CDH18: variants seen among roughly 807,000 people sequenced by gnomAD.
CDH18 encodes the protein cadherin 18.
A neutral mutation model predicts 67.9 loss-of-function variants in CDH18; 31 were observed. The observed-to-expected ratio is 0.46, with a 90% confidence interval of 0.34 to 0.62. The LOEUF is 0.62. Ranked by LOEUF, CDH18 falls within the 20% of genes least tolerant of loss-of-function variation. The probability of loss-of-function intolerance (pLI) is 0.01; values close to 1 mark genes in which losing one functional copy is unlikely to be tolerated. For missense variants in CDH18, 890 were observed against 975.5 expected (o/e 0.91, Z 1.17); for synonymous variants, 362 against 347.2 (o/e 1.04, Z -0.48).
In CDH18 at chr5:19,848,958, C is replaced by CAT. The variant is rs528140001; in HGVS notation, c.-256-9718_-256-9717dup. On this transcript the variant is annotated intron_variant, in intron 2 of 12. Coordinates refer to ENST00000382275, the MANE Select transcript of CDH18 (RefSeq NM_004934.5). The stretch of plus-strand genomic sequence containing the variant: ...ATATGTGTATATATACACACACACA[C>CAT]ATATATATGTATATAATATAGCCTA... Among the ~76,000 whole-genome samples, 322 of 150,174 alleles carry CAT rather than the reference C, an allele frequency of 2.1e-3. 1 individual carries two copies. Among genetic ancestry groups the CAT allele is most frequent in the African/African-American group, 7.4e-3 (303 of 40,980 alleles).
intron 2 of CDH18, among the ~76,000 whole-genome samples, chr5:20,140,598 A>G (rs1435282464): frequency 6.6e-6 from 1 of 152,108 alleles, no homozygotes; most frequent in Non-Finnish European, 1.5e-5. Context: ...CAACAATTCA[A>G]AATGTTACTT....
chr5:19,588,229 C>T (rs1035875566), intron 7 of CDH18, among the ~76,000 whole-genome samples: 5 of 152,010 alleles, frequency 3.3e-5, no homozygotes, highest in African/African-American at 1.2e-4. Context: ...ATGTCATCTG[C>T]AAAGAAAATT....
chr5:19,911,761 G>A (rs559156296), intron 2 of CDH18, among the ~76,000 whole-genome samples: 9 of 152,238 alleles, frequency 5.9e-5, no homozygotes, highest in Non-Finnish European at 1.2e-4. Flanking sequence ...CACCTACTCT[G>A]AGGTATTTTG....
intron 11 of CDH18, among the ~76,000 whole-genome samples, chr5:19,488,093 A>AT (rs1416466788): frequency 6.6e-6 from 1 of 152,080 alleles, no homozygotes; most frequent in Non-Finnish European, 1.5e-5. Context: ...TATATGTCTC[A>AT]TTTTTTTGTT....
At chr5:20,561,830 G>T in intron 1 of CDH18, among the ~76,000 whole-genome samples, 1 of 151,832 alleles carries the variant, frequency 6.6e-6, no homozygotes, top group East Asian at 1.9e-4. Context: ...CATTAGATAT[G>T]AAACTGATTT....
intron 3 of CDH18, among the ~76,000 whole-genome samples, chr5:19,803,655 A>T (rs1441893106): frequency 6.6e-6 from 1 of 152,252 alleles, no homozygotes; most frequent in African/African-American, 2.4e-5. Context: ...TCATCGAGGT[A>T]ATCCAGTAAG....
chr5:20,314,284 G>A (rs921874006), intron 1 of CDH18, among the ~76,000 whole-genome samples: 3 of 151,996 alleles, frequency 2.0e-5, no homozygotes, highest in Non-Finnish European at 2.9e-5. Context: ...GCTCACTAAA[G>A]TCTGAGGTTC....
At chr5:20,430,170 A>G (rs1405471832) in intron 1 of CDH18, among the ~76,000 whole-genome samples, 1 of 152,208 alleles carries the variant, frequency 6.6e-6, no homozygotes, top group Non-Finnish European at 1.5e-5. Context: ...AACTTAATTA[A>G]TCCTGTGATT....
chr5:20,236,343 A>C (rs1159563195), intron 2 of CDH18, among the ~76,000 whole-genome samples: 1 of 151,766 alleles, frequency 6.6e-6, no homozygotes, highest in African/African-American at 2.4e-5. Flanking sequence ...GAAGAAATAC[A>C]ACTAATGTTT....
chr5:20,168,660 C>T (rs572590434), intron 2 of CDH18, among the ~76,000 whole-genome samples: 18 of 152,196 alleles, frequency 1.2e-4, no homozygotes, highest in Admixed American at 3.3e-4. Flanking sequence ...TGGCATATGA[C>T]GCTCTACAGT....
At chr5:20,464,134 A>T (rs376677517) in intron 1 of CDH18, among the ~76,000 whole-genome samples, 4 of 152,136 alleles carry the variant, frequency 2.6e-5, no homozygotes, top group Non-Finnish European at 4.4e-5. Context: ...GACACACACA[A>T]AAAACTCAAG....
chr5:20,142,197 T>C (rs927240591), intron 2 of CDH18, among the ~76,000 whole-genome samples: 1 of 152,106 alleles, frequency 6.6e-6, no homozygotes, highest in Non-Finnish European at 1.5e-5. Context: ...TATTTAATGT[T>C]ACAAAAATAA....
At chr5:20,063,714 AC>A (rs1196180844) in intron 2 of CDH18, among the ~76,000 whole-genome samples, 1 of 152,150 alleles carries the variant, frequency 6.6e-6, no homozygotes, top group African/African-American at 2.4e-5. Context: ...CATACACTAA[AC>A]AAGACACTAA....
intron 3 of CDH18, among the ~76,000 whole-genome samples, chr5:19,828,129 T>C (rs1315738354): frequency 6.6e-6 from 1 of 151,902 alleles, no homozygotes; most frequent in African/African-American, 2.4e-5. Flanking sequence ...CTAAAAGAAA[T>C]GAATAAATTC....
intron 1 of CDH18, among the ~76,000 whole-genome samples, chr5:20,384,214 A>G (rs1435379354): frequency 6.6e-6 from 1 of 152,130 alleles, no homozygotes; most frequent in Non-Finnish European, 1.5e-5. Flanking sequence ...TTCAGCTTGT[A>G]TAGCTGAACA....
At chr5:20,147,487 C>T (rs991661686) in intron 2 of CDH18, among the ~76,000 whole-genome samples, 4 of 151,896 alleles carry the variant, frequency 2.6e-5, no homozygotes, top group Non-Finnish European at 5.9e-5. Context: ...AAATTAAAAT[C>T]TTTTAATTTC....
intron 2 of CDH18, among the ~76,000 whole-genome samples, chr5:19,977,696 AT>A (rs1272562493): frequency 1.4e-5 from 2 of 139,506 alleles, no homozygotes; most frequent in East Asian, 2.2e-4. Flanking sequence ...CCATTCTTTT[AT>A]TTTTTTATAC....
intron 2 of CDH18, among the ~76,000 whole-genome samples, chr5:19,946,268 C>T (rs189353323): frequency 1.4e-4 from 22 of 152,034 alleles, no homozygotes; most frequent in African/African-American, 4.6e-4. Flanking sequence ...AACATCCTTC[C>T]GGAAGGAAGG....
intron 5 of CDH18, among the ~76,000 whole-genome samples, chr5:19,663,683 G>A (rs547433815): frequency 6.6e-6 from 1 of 151,744 alleles, no homozygotes; most frequent in Non-Finnish European, 1.5e-5. Flanking sequence ...ACTATTTTAG[G>A]CACTGAAAAT....
Sources: gnomAD v4.1 joint callset for allele counts (sites outside exome capture counted in the v4.1 genomes callset) on GRCh38, gnomAD v4.1.1 for gene constraint, MANE v1.5 for transcripts, NCBI Gene and HGNC (gene_info 2026-07-23, HGNC 2026-07-21) for gene names.